TENM1: variants seen among roughly 807,000 people sequenced by gnomAD.
TENM1 encodes the protein teneurin transmembrane protein 1.
In TENM1, 35 loss-of-function variants were observed where a neutral mutation model predicts 174.8. The ratio of observed to expected loss-of-function variants is 0.20; its 90% confidence interval spans 0.15 to 0.27. TENM1 has a LOEUF of 0.27. Among genes scored for constraint, TENM1 ranks in the 10% least tolerant of loss-of-function variants. TENM1 has a pLI of 1.00. For missense variants in TENM1, 1,633 were observed against 2,130.1 expected, an observed-to-expected ratio of 0.77 and a Z score of 4.59; for synonymous variants, 781 against 798.7, an observed-to-expected ratio of 0.98 and a Z score of 0.37.
At chrX:124,983,947 T>C in the TENM1 span, among the ~76,000 whole-genome samples, 1 of 111,662 alleles carries the variant, frequency 9.0e-6, no homozygotes, top group Admixed American at 9.5e-5. Context: ...AGGACAGATA[T>C]ATAATCACAT....
At chrX:124,638,392 G>A (rs2050932055) in intron 11 of TENM1, among the ~76,000 whole-genome samples, 1 of 111,371 alleles carries the variant, frequency 9.0e-6, no homozygotes, top group South Asian at 3.8e-4. Context: ...ACATTACCAG[G>A]AATTTTATCT....
In TENM1 at chrX:124,674,683, A is replaced by G. The variant is rs2052019707; in HGVS notation, c.1016-2848T>C. 5.4e-5 allele frequency among the ~76,000 whole-genome samples: 6 copies of G among 111,544 alleles called. No homozygotes were observed. The South Asian group carries it at 2.2e-3, about 42-fold the overall frequency. ...TGGTATGGCACATTAATAAAGCTAT[A>G]TTAGTGACATCCTTGAGATTTCCTT... On this transcript the variant is annotated intron_variant, in intron 5 of 31. Transcript: ENST00000422452.
chrX:125,131,129 T>G, the TENM1 span, among the ~76,000 whole-genome samples: 1 of 112,135 alleles, frequency 8.9e-6, no homozygotes, highest in East Asian at 2.8e-4. Context: ...TTCTTCAAAT[T>G]GTTATTATTT....
At chrX:124,521,219 A>G (rs986705811) in intron 17 of TENM1, among the ~76,000 whole-genome samples, 11 of 111,930 alleles carry the variant, frequency 9.8e-5, no homozygotes, top group African/African-American at 3.2e-4. Flanking sequence ...TCATAAAACC[A>G]TTGGTGTAAT....
chrX:124,675,603 GTT>G (rs775859622), intron 5 of TENM1, among the ~76,000 whole-genome samples: 25 of 90,811 alleles, frequency 2.8e-4, no homozygotes, highest in African/African-American at 7.1e-4. Context: ...ACCAGGCACT[GTT>G]TTTTTTTTTT....
At chrX:124,450,366 A>C (rs1275454118) in intron 23 of TENM1, among the ~76,000 whole-genome samples, 1 of 109,060 alleles carries the variant, frequency 9.2e-6, no homozygotes, top group Non-Finnish European at 1.9e-5. Flanking sequence ...TCTCAAAAAA[A>C]AAAAAAAAAA....
intron 3 of TENM1, among the ~76,000 whole-genome samples, chrX:124,757,781 A>G (rs2054302622): frequency 8.9e-6 from 1 of 112,521 alleles, no homozygotes; most frequent in South Asian, 3.6e-4. Context: ...ATGTTATTTT[A>G]TATTTTATGG....
chrX:124,844,639 A>T (rs2056571727), intron 3 of TENM1, among the ~76,000 whole-genome samples: 1 of 111,657 alleles, frequency 9.0e-6, no homozygotes, highest in African/African-American at 3.3e-5. Context: ...CACAGAACTA[A>T]TATTTCATGT....
intron 3 of TENM1, among the ~76,000 whole-genome samples, chrX:124,774,577 A>T (rs1222448047): frequency 8.9e-6 from 1 of 111,828 alleles, no homozygotes; most frequent in Non-Finnish European, 1.9e-5. Context: ...AGGAAAATTC[A>T]TAGTTAGATT....
At chrX:125,057,836 C>T in the TENM1 span, among the ~76,000 whole-genome samples, 3 of 111,457 alleles carry the variant, frequency 2.7e-5, no homozygotes, top group Non-Finnish European at 5.7e-5. Context: ...TAAGAGATAT[C>T]CAATATCCAT....
At chrX:124,556,165 A>G (rs2858443) in intron 14 of TENM1, among the ~76,000 whole-genome samples, 46,855 of 110,681 alleles carry the variant, frequency 0.42, 8,132 homozygotes, top group East Asian at 0.82. Context: ...CAAAGCAAGA[A>G]TGGACTGGTC....
chrX:124,619,266 C>T (rs2050463692), intron 11 of TENM1, among the ~76,000 whole-genome samples: 1 of 111,512 alleles, frequency 9.0e-6, no homozygotes, highest in African/African-American at 3.3e-5. Context: ...CTTTTCTGTA[C>T]TTTTTAATAC....
intron 18 of TENM1, among the ~76,000 whole-genome samples, chrX:124,520,051 G>A (rs1218374678): frequency 8.9e-6 from 1 of 112,003 alleles, no homozygotes; most frequent in African/African-American, 3.2e-5. Context: ...GAATAGGAAG[G>A]CAGGATGATT....
intron 3 of TENM1, among the ~76,000 whole-genome samples, chrX:124,780,036 A>G (rs2054873096): frequency 8.9e-6 from 1 of 111,805 alleles, no homozygotes; most frequent in African/African-American, 3.2e-5. Context: ...CCATTTTAAG[A>G]GGATCATTCT....
At chrX:124,602,755 C>T (rs1253691139) in intron 11 of TENM1, among the ~76,000 whole-genome samples, 1 of 110,928 alleles carries the variant, frequency 9.0e-6, no homozygotes, top group African/African-American at 3.3e-5. Flanking sequence ...TGATACAACC[C>T]TTTCCCAGGA....
chrX:125,021,391 G>T, the TENM1 span, among the ~76,000 whole-genome samples: 3 of 110,898 alleles, frequency 2.7e-5, no homozygotes, highest in African/African-American at 9.8e-5. Flanking sequence ...TATGGTAGGA[G>T]TTACCATCCT....
chrX:124,756,085 T>G (rs2054229614), intron 3 of TENM1, among the ~76,000 whole-genome samples: 1 of 105,669 alleles, frequency 9.5e-6, no homozygotes, highest in African/African-American at 3.7e-5. Flanking sequence ...GCAGAGCATT[T>G]TCCAACTTGG....
chrX:125,155,663 A>G, the TENM1 span, among the ~76,000 whole-genome samples: 1 of 41,907 alleles, frequency 2.4e-5, no homozygotes. Flanking sequence ...CGAGCGCAGC[A>G]CCGGTGGGCC....
intron 4 of TENM1, among the ~76,000 whole-genome samples, chrX:124,719,690 T>C (rs1422622863): frequency 1.8e-5 from 2 of 111,586 alleles, no homozygotes; most frequent in East Asian, 2.8e-4. Flanking sequence ...ACTTTAATTA[T>C]TCAGGGACAG....
Sources: gnomAD v4.1 joint callset for allele counts (sites outside exome capture counted in the v4.1 genomes callset) on GRCh38, gnomAD v4.1.1 for gene constraint, MANE v1.5 for transcripts, NCBI Gene and HGNC (gene_info 2026-07-23, HGNC 2026-07-21) for gene names.